Variants in RCOR1 observed in about 807,000 individuals in gnomAD.
RCOR1 encodes REST corepressor 1, also known as REST corepressor.
A neutral mutation model predicts 64.0 loss-of-function variants in RCOR1; 12 were observed. The ratio of observed to expected loss-of-function variants is 0.19; its 90% CI spans 0.12 to 0.30. The LOEUF (loss-of-function observed/expected upper bound fraction) is 0.30, where lower values mean the gene tolerates loss of function less well. RCOR1 is among the 10% of genes least tolerant of loss of function. The probability of loss-of-function intolerance (pLI) is 1.00; values close to 1 mark genes in which losing one functional copy is unlikely to be tolerated. For synonymous variants in RCOR1, 279 were observed against 227.2 expected (o/e 1.23, Z -2.05); for missense variants, 502 against 621.2 (o/e 0.81, Z 2.04).
Position 102,714,405 on chromosome 14 carries a change from C to T in RCOR1, c.859-18C>T. Reference sequence around the variant, plus strand: ...GACTTTTTTTAAGTTTCATTCATCACCTGTGTATATCATGCAGGTTCCCCC... The same window carrying T: ...GACTTTTTTTAAGTTTCATTCATCATCTGTGTATATCATGCAGGTTCCCCC... On this transcript the variant is annotated intron_variant, in intron 7 of 11. Coordinates refer to ENST00000262241, the MANE Select transcript of RCOR1 (RefSeq NM_015156.4). 6.5e-7 allele frequency: 1 copy of T among 1,541,534 alleles called. No homozygotes were observed. Among genetic ancestry groups the T allele is most frequent in the African/African-American group, 1.4e-5 (1 of 72,410 alleles).
At chr14:102,710,498 ATTTT>A (rs1555467692) in intron 6 of RCOR1, among the ~76,000 whole-genome samples, 1 of 152,098 alleles carries the variant, frequency 6.6e-6, no homozygotes, top group Non-Finnish European at 1.5e-5. Flanking sequence ...TTGGAAAAGG[ATTTT>A]TTTACTGTTA....
Position 102,722,318 on chromosome 14 carries a change from G to A in RCOR1, c.1321G>A (p.Glu441Lys), listed in dbSNP as rs1280090114. The A allele has an allele frequency of 3.1e-6, 5 of 1,614,030 alleles. No individual in the cohort carries two copies. The highest frequency in any genetic ancestry group is 3.3e-5 in the Admixed American group (2 of 59,992). The change falls in exon 11 of 12, where the codon GAG becomes AAG. Residue 441 changes from glutamate to lysine, a missense_variant. By Grantham distance (56) the Glu-to-Lys change is moderately conservative. Around this residue, in one of 2 missense-constraint regions of RCOR1, gnomAD observed 260 missense variants for 416.4 expected, o/e 0.62. Coordinates refer to ENST00000262241, the MANE Select transcript of RCOR1 (RefSeq NM_015156.4). ...FNIDEVLQEW[E>K]AEHGKEETNG... ...CATAGATGAAGTTTTACAAGAATGG[G>A]AGGCAGAACATGGTAAAGAAGAGAC...
chr14:102,605,280 A>G (rs2139884014), intron 2 of RCOR1, among the ~76,000 whole-genome samples: 1 of 152,192 alleles, frequency 6.6e-6, no homozygotes, highest in South Asian at 2.1e-4. Flanking sequence ...TTGCCTGGGG[A>G]CAAATTGGAC....
chr14:102,592,877 G>T lies in RCOR1; in HGVS notation c.-10G>T. 8.2e-7 allele frequency: 1 copy of T among 1,222,462 alleles called. No individual in the cohort carries two copies. The highest frequency in any genetic ancestry group is 1.0e-6 in the Non-Finnish European group (1 of 980,036). 75.7% of individuals were successfully genotyped at this position (1,222,462 alleles called of 1,614,324 possible). A position where few individuals can be genotyped will look rare whatever the true frequency, so the allele number is the denominator to read the frequency against. ...TCCCCGCCACTTTCGCACGGCCCCG[G>T]CCCCCGCCGATGCCGGCCATGGTGG... On this transcript the variant is annotated 5_prime_UTR_variant, in exon 1 of 12. Transcript: ENST00000262241.
chr14:102,653,964 TTTC>T (rs1894656827), intron 2 of RCOR1, among the ~76,000 whole-genome samples: 1 of 55,084 alleles, frequency 1.8e-5, no homozygotes, highest in East Asian at 3.3e-4. Context: ...TCTTTCTTTC[TTTC>T]TTTCTTTCTT....
At chr14:102,643,247 G>A (rs1894408924) in intron 2 of RCOR1, 5 of 527,832 alleles carry the variant, frequency 9.5e-6, no homozygotes, top group Non-Finnish European at 1.2e-5. Context: ...TCATGCCACT[G>A]CACTCCAGCC....
At chr14:102,598,864 T>TTA (rs890218677) in intron 2 of RCOR1, among the ~76,000 whole-genome samples, 3 of 151,988 alleles carry the variant, frequency 2.0e-5, no homozygotes, top group Non-Finnish European at 4.4e-5. Context: ...TACCAACTTT[T>TTA]AAAGAGTTAA....
chr14:102,631,206 CTT>C (rs760075418), intron 2 of RCOR1, among the ~76,000 whole-genome samples: 4 of 142,062 alleles, frequency 2.8e-5, no homozygotes, highest in Non-Finnish European at 3.1e-5. Flanking sequence ...TAGTCCAGAC[CTT>C]TTTTTTTTTT....
intron 4 of RCOR1, among the ~76,000 whole-genome samples, chr14:102,704,657 C>A (rs2139981099): frequency 6.6e-6 from 1 of 152,332 alleles, no homozygotes; most frequent in Non-Finnish European, 1.5e-5. Flanking sequence ...GTCTCGAACT[C>A]CTGACCTCGT....
Position 102,616,086 on chromosome 14 carries a change from C to T in RCOR1, c.361+22761C>T, listed in dbSNP as rs141951279. Among the ~76,000 whole-genome samples the T allele has an allele frequency of 4.8e-3, 736 of 152,210 alleles. 6 individuals are homozygous for T. The highest frequency in any genetic ancestry group is 0.017 in the African/African-American group (688 of 41,516). ...TTATTTTGTCTGTGGTTCTGACCAG[C>T]CAGCTGCAAATTTCAAGAGTTCCTG... On this transcript the variant is annotated intron_variant, in intron 2 of 11. Transcript: ENST00000262241.
intron 2 of RCOR1, among the ~76,000 whole-genome samples, chr14:102,627,173 T>A (rs1893997590): frequency 6.6e-6 from 1 of 152,214 alleles, no homozygotes; most frequent in Admixed American, 6.5e-5. Context: ...TGTCTACATC[T>A]GTGCCTGGTA....
intron 2 of RCOR1, among the ~76,000 whole-genome samples, chr14:102,612,977 A>G (rs1171565196): frequency 6.6e-6 from 1 of 151,864 alleles, no homozygotes; most frequent in Non-Finnish European, 1.5e-5. Context: ...AAAAAAAGAA[A>G]AAACAAATCT....
At chr14:102,681,124 T>A (rs1489416089) in intron 2 of RCOR1, among the ~76,000 whole-genome samples, 1 of 152,178 alleles carries the variant, frequency 6.6e-6, no homozygotes, top group Admixed American at 6.5e-5. Flanking sequence ...TTGTTTATAG[T>A]AGGTTGTATG....
intron 2 of RCOR1, chr14:102,662,720 G>C (rs1894849267): frequency 2.4e-6 from 1 of 422,610 alleles, no homozygotes; most frequent in Non-Finnish European, 4.5e-6. Flanking sequence ...TTGTGAAAAG[G>C]GCTCTGCAGC....
intron 2 of RCOR1, among the ~76,000 whole-genome samples, chr14:102,609,086 C>T (rs1377875226): frequency 6.9e-6 from 1 of 145,892 alleles, no homozygotes; most frequent in East Asian, 2.0e-4. Flanking sequence ...GCTCTGTTGC[C>T]CAGGCTGGGG....
Position 102,726,633 on chromosome 14 carries a change from A to T in RCOR1, c.*127A>T. The T allele has an allele frequency of 1.3e-6, 1 of 773,158 alleles. No individual in the cohort carries two copies. Among genetic ancestry groups the T allele is most frequent in the East Asian group, 2.5e-5 (1 of 39,580 alleles). 47.9% of individuals were successfully genotyped at this position (773,158 alleles called of 1,614,324 possible). A position where few individuals can be genotyped will look rare whatever the true frequency, so the allele number is the denominator to read the frequency against. On this transcript the variant is annotated 3_prime_UTR_variant, in exon 12 of 12. Coordinates refer to ENST00000262241, the MANE Select transcript of RCOR1 (RefSeq NM_015156.4). ...AAGCAGCTATTACCAAAAAAGGCAT[A>T]TACTTCCAGTCCTGTGCTCCATCTG...
intron 3 of RCOR1, among the ~76,000 whole-genome samples, chr14:102,689,590 A>G (rs774066817): frequency 2.6e-5 from 4 of 152,160 alleles, no homozygotes; most frequent in Admixed American, 6.5e-5. Context: ...GCATTTTATA[A>G]GTTATATATA....
At chr14:102,616,517 G>A (rs551554161) in intron 2 of RCOR1, among the ~76,000 whole-genome samples, 38 of 152,090 alleles carry the variant, frequency 2.5e-4, no homozygotes, top group African/African-American at 7.7e-4. Context: ...GCAGTCCTCC[G>A]GCCTTGGATT....
At chr14:102,671,926 A>G (rs1431552839) in intron 2 of RCOR1, among the ~76,000 whole-genome samples, 2 of 152,238 alleles carry the variant, frequency 1.3e-5, no homozygotes, top group African/African-American at 4.8e-5. Context: ...AAATCATACA[A>G]TAGGCTGTGG....
Sources: allele counts gnomAD v4.1 joint callset (sites outside exome capture counted in the v4.1 genomes callset), GRCh38; gene constraint gnomAD v4.1.1; regional missense constraint gnomAD v4.1.1; transcripts MANE v1.5; gene names NCBI Gene and HGNC (gene_info 2026-07-23, HGNC 2026-07-21).